MATK: variants seen among roughly 807,000 people sequenced by gnomAD.
MATK encodes the protein megakaryocyte-associated tyrosine kinase.
A neutral mutation model predicts 59.8 loss-of-function variants in MATK; 41 were observed. The observed-to-expected ratio is 0.69, with a 90% CI of 0.53 to 0.89. The LOEUF is 0.89. Among genes scored for constraint, MATK ranks in the 40% least tolerant of loss-of-function variants. MATK has a pLI of 0.00. For synonymous variants in MATK, 308 were observed against 306.1 expected (o/e 1.01, Z -0.06); for missense variants, 593 against 719.6 (o/e 0.82, Z 2.01).
At chr19:3,781,252 C>T (rs541420005) in intron 8 of MATK, among the ~76,000 whole-genome samples, 2 of 152,156 alleles carry the variant, frequency 1.3e-5, no homozygotes, top group Admixed American at 6.5e-5. Flanking sequence ...ACAATCTGGC[C>T]TTTTACAGAG....
Position 3,779,470 on chromosome 19 carries a change from G to A in MATK, c.928-19C>T, listed in dbSNP as rs572238543. 3 of 1,612,788 alleles carry A rather than the reference G, an allele frequency of 1.9e-6. No homozygotes were observed. The highest frequency in any genetic ancestry group is 2.7e-5 in the African/African-American group (2 of 75,050). ...GGTTGCCCTGTTGGGGGTGGGAGAT[G>A]GCCGCGGGATGTTGGGGCTGCTCCG... On this transcript the variant is annotated intron_variant, in intron 10 of 13. Coordinates refer to ENST00000310132, the MANE Select transcript of MATK (RefSeq NM_139355.3).
intron 7 of MATK, 72 bp downstream of exon 7, chr19:3,783,054 C>G: frequency 6.7e-7 from 1 of 1,493,204 alleles, no homozygotes; most frequent in Non-Finnish European, 9.3e-7. Flanking sequence ...GGTGCGGGGC[C>G]CCAGGGCCCT....
Position 3,785,243 on chromosome 19 carries a change from A to AGGGAGCTGGGTG in MATK, c.-120_-109dup, listed in dbSNP as rs769546864. The AGGGAGCTGGGTG allele has an allele frequency of 6.3e-7, 1 of 1,577,056 alleles. No individual in the cohort carries two copies. Among genetic ancestry groups the AGGGAGCTGGGTG allele is most frequent in the South Asian group, 1.1e-5 (1 of 88,806 alleles). On this transcript the variant is annotated 5_prime_UTR_variant, in exon 2 of 14. Coordinates refer to ENST00000310132, the MANE Select transcript of MATK (RefSeq NM_139355.3). ...AGGCCAGTCGGCTGGCACAGGAGGT[A>AGGGAGCTGGGTG]GGGAGCTGGGTGCCACTGGACCGAG... is the stretch of plus-strand genomic sequence containing the variant.
chr19:3,787,188 A>G (rs2145106386), upstream of MATK, among the ~76,000 whole-genome samples: 1 of 152,270 alleles, frequency 6.6e-6, no homozygotes, highest in Non-Finnish European at 1.5e-5. Context: ...GCTGGAGTGC[A>G]GTGGCGTGAT....
intron 7 of MATK, among the ~76,000 whole-genome samples, chr19:3,782,388 T>C (rs1234631104): frequency 6.6e-6 from 1 of 152,186 alleles, no homozygotes; most frequent in Non-Finnish European, 1.5e-5. Context: ...GGGTACAGAC[T>C]TCCCCAGCAG....
At chr19:3,782,308 C>G (rs2037413272) in intron 7 of MATK, among the ~76,000 whole-genome samples, 3 of 152,186 alleles carry the variant, frequency 2.0e-5, no homozygotes, top group African/African-American at 7.2e-5. Flanking sequence ...AGTGCCCCCT[C>G]CAAATGCCAC....
At chr19:3,789,765 C>A (rs2037522959), upstream of MATK, among the ~76,000 whole-genome samples, 2 of 144,108 alleles carry the variant, frequency 1.4e-5, no homozygotes, top group South Asian at 2.2e-4. Context: ...TGCTCTGTTA[C>A]CCGGGCTAGA....
At chr19:3,797,836 G>A (rs2037609976) in intron 1 of MATK, among the ~76,000 whole-genome samples, 1 of 152,234 alleles carries the variant, frequency 6.6e-6, no homozygotes, top group East Asian at 1.9e-4. Context: ...GAGGTCAGGA[G>A]TTCGAGACCA....
In MATK at chr19:3,794,899, A is replaced by G. The variant is rs552658373; in HGVS notation, c.-57-5495T>C. Among the ~76,000 whole-genome samples the G allele has an allele frequency of 2.6e-5, 4 of 151,090 alleles. No individual in the cohort carries two copies. In the East Asian group the frequency reaches 7.8e-4, roughly 30 times the overall value. Reference sequence around the variant, plus strand: ...ACCATAGATAACACAGAAGCCAAAGACCGTGGCTGCATTCCAATAAAACTT... The same window carrying G: ...ACCATAGATAACACAGAAGCCAAAGGCCGTGGCTGCATTCCAATAAAACTT... On this transcript the variant is annotated intron_variant, in intron 1 of 13. Coordinates refer to the MATK transcript ENST00000395045.
chr19:3,794,972 TTGC>T, intron 1 of MATK, among the ~76,000 whole-genome samples: 4 of 146,262 alleles, frequency 2.7e-5, no homozygotes, highest in African/African-American at 7.9e-5. Context: ...TTCTTTTCTT[TTGC>T]TTTTTTTTTT....
chr19:3,785,140 C>T lies in MATK; in HGVS notation c.-5G>A, dbSNP rs2037463143. On this transcript the variant is annotated 5_prime_UTR_variant, in exon 2 of 14. Coordinates refer to ENST00000310132, the MANE Select transcript of MATK (RefSeq NM_139355.3). ...CAGAGAGCCTCGCCCCGCCATCGCC[C>T]CCAGAGGGAAACTGAGGCAGGTGAG... The T allele has an allele frequency of 6.2e-7, 1 of 1,613,946 alleles. No homozygotes were observed. Among genetic ancestry groups the T allele is most frequent in the Non-Finnish European group, 8.5e-7 (1 of 1,179,988 alleles).
At chr19:3,793,777 G>A (rs913246824) in intron 1 of MATK, among the ~76,000 whole-genome samples, 2 of 152,162 alleles carry the variant, frequency 1.3e-5, no homozygotes, top group African/African-American at 4.8e-5. Context: ...GCTGAGGCAG[G>A]AGAATCACTT....
chr19:3,801,785 C>T (rs1243938328), exon 1 of MATK: 1 of 152,250 alleles, frequency 6.6e-6, no homozygotes, highest in East Asian at 1.9e-4. Flanking sequence ...CACCGAATCC[C>T]TTCGCTAACC....
At chr19:3,801,158 T>A (rs758483103) in intron 1 of MATK, among the ~76,000 whole-genome samples, 8 of 152,094 alleles carry the variant, frequency 5.3e-5, no homozygotes, top group Non-Finnish European at 7.4e-5. Context: ...ATGCATTTCG[T>A]TTGCAAAATT....
At chr19:3,785,498 G>GCCTCCCCC (rs2037469839) in intron 1 of MATK, 1 of 325,608 alleles carries the variant, frequency 3.1e-6, no homozygotes, top group East Asian at 7.4e-5. Flanking sequence ...GAGCCTCCCT[G>GCCTCCCCC]CCTCCCCCAT....
Position 3,778,219 on chromosome 19 carries a change from G to C in MATK, c.1488C>G (p.Ala496=). 1 of 1,571,706 alleles carries C rather than the reference G, an allele frequency of 6.4e-7. No homozygotes were observed. Among genetic ancestry groups the C allele is most frequent in the Non-Finnish European group, 8.6e-7 (1 of 1,168,808 alleles). The stretch of plus-strand genomic sequence containing the variant: ...GGCTTCGGGGCGAGGTGGAGCCGTC[G>C]GCGTCCTGCCCTGAGACGGAGGCTG... The part of the protein sequence containing the change: ...GAPASVSGQD[A]DGSTSPRSQE... Residue 496 remains alanine, a synonymous_variant, in exon 14 of 14, where the codon GCC becomes GCG. Transcript: ENST00000310132.
intron 1 of MATK, chr19:3,785,689 C>G (rs2037472691): frequency 6.3e-6 from 1 of 157,866 alleles, no homozygotes; most frequent in African/African-American, 2.4e-5. Flanking sequence ...CAAAGGACCA[C>G]GTCCACGTGG....
intron 1 of MATK, among the ~76,000 whole-genome samples, chr19:3,792,579 T>A (rs1188614941): frequency 1.4e-5 from 2 of 143,318 alleles, no homozygotes; most frequent in African/African-American, 5.2e-5. Flanking sequence ...AGTGGTGCGA[T>A]CTCAGCTCAC....
chr19:3,779,682 C>G lies in MATK; in HGVS notation c.842+16G>C. On this transcript the variant is annotated intron_variant, in intron 9 of 13. Coordinates refer to ENST00000310132, the MANE Select transcript of MATK (RefSeq NM_139355.3). ...CCCCCCCGTCCCACGGTCCCCAGCC[C>G]CACCCTGGGACTCACGTCATGACGG... 1 of 1,612,398 alleles carries G rather than the reference C, an allele frequency of 6.2e-7. No homozygotes were observed. The highest frequency in any genetic ancestry group is 1.3e-5 in the African/African-American group (1 of 75,026).
Sources: allele counts gnomAD v4.1 joint callset (sites outside exome capture counted in the v4.1 genomes callset), GRCh38; gene constraint gnomAD v4.1.1; transcripts MANE v1.5; gene names NCBI Gene and HGNC (gene_info 2026-07-23, HGNC 2026-07-21).